Variants in BRINP3 observed in about 807,000 individuals in gnomAD.
The protein encoded by BRINP3 is BMP/retinoic acid-inducible neural-specific protein 3.
In BRINP3, 19 loss-of-function variants were observed where a neutral mutation model predicts 71.0. That is an observed-to-expected ratio of 0.27 (90% CI 0.19 to 0.39). BRINP3 has a LOEUF of 0.39. Ranked by LOEUF, BRINP3 falls within the 10% of genes least tolerant of loss-of-function variation. BRINP3 has a pLI of 1.00. For synonymous variants in BRINP3, 380 were observed against 337.7 expected (o/e 1.13, Z -1.37); for missense variants, 959 against 940.8 (o/e 1.02, Z -0.25).
chr1:190,301,134 C>CAT (rs201106793), intron 2 of BRINP3, among the ~76,000 whole-genome samples: 11 of 141,032 alleles, frequency 7.8e-5, no homozygotes, highest in Admixed American at 2.2e-4. Context: ...GCTTTACATA[C>CAT]ATATATATAT....
chr1:190,180,506 C>G (rs1489764050), intron 6 of BRINP3, among the ~76,000 whole-genome samples: 1 of 151,946 alleles, frequency 6.6e-6, no homozygotes, highest in East Asian at 1.9e-4. Flanking sequence ...AGATATAATA[C>G]TTATGATATA....
At chr1:190,455,487 G>GAT (rs1675924586) in intron 1 of BRINP3, among the ~76,000 whole-genome samples, 1 of 152,094 alleles carries the variant, frequency 6.6e-6, no homozygotes, top group Non-Finnish European at 1.5e-5. Flanking sequence ...ACCTATTATA[G>GAT]ATATATATAG....
At chr1:190,186,314 C>A (rs1653519391) in intron 6 of BRINP3, among the ~76,000 whole-genome samples, 1 of 151,972 alleles carries the variant, frequency 6.6e-6, no homozygotes, top group Non-Finnish European at 1.5e-5. Context: ...TTGCAATGAG[C>A]CGAGATGGCA....
intron 2 of BRINP3, among the ~76,000 whole-genome samples, chr1:190,292,314 A>C (rs959479840): frequency 4.6e-5 from 7 of 152,096 alleles, no homozygotes; most frequent in Non-Finnish European, 1.0e-4. Flanking sequence ...GAACTGTAAA[A>C]CTTATTATGA....
chr1:190,156,467 T>C (rs1234350922), intron 7 of BRINP3, among the ~76,000 whole-genome samples: 2 of 152,080 alleles, frequency 1.3e-5, no homozygotes, highest in Non-Finnish European at 2.9e-5. Context: ...ATACCCAATG[T>C]TCAGTTTACA....
chr1:190,389,916 T>A (rs943738740), intron 2 of BRINP3, among the ~76,000 whole-genome samples: 1 of 151,810 alleles, frequency 6.6e-6, no homozygotes, highest in African/African-American at 2.4e-5. Flanking sequence ...TGATAAGGTT[T>A]ACTGTCCAAA....
chr1:190,324,213 T>C (rs995647662), intron 2 of BRINP3, among the ~76,000 whole-genome samples: 2 of 152,116 alleles, frequency 1.3e-5, no homozygotes, highest in Non-Finnish European at 2.9e-5. Context: ...CCTATAGCTA[T>C]ACAACGTGTG....
chr1:190,181,787 A>C (rs1283825312), intron 6 of BRINP3, among the ~76,000 whole-genome samples: 1 of 152,078 alleles, frequency 6.6e-6, no homozygotes, highest in East Asian at 1.9e-4. Context: ...GTAATTTAGA[A>C]AACACAAGAT....
At chr1:190,324,866 T>G (rs1470030654) in intron 2 of BRINP3, among the ~76,000 whole-genome samples, 1 of 151,934 alleles carries the variant, frequency 6.6e-6, no homozygotes, top group African/African-American at 2.4e-5. Context: ...ATTGATTACC[T>G]TAAAATAAGT....
intron 2 of BRINP3, among the ~76,000 whole-genome samples, chr1:190,403,380 A>G (rs1392808290): frequency 6.6e-6 from 1 of 152,190 alleles, no homozygotes; most frequent in Non-Finnish European, 1.5e-5. Flanking sequence ...TCATGTCCAC[A>G]CTGAAGCAGT....
At chr1:190,331,080 C>T (rs1441618008) in intron 2 of BRINP3, among the ~76,000 whole-genome samples, 1 of 151,824 alleles carries the variant, frequency 6.6e-6, no homozygotes, top group Non-Finnish European at 1.5e-5. Flanking sequence ...CATATGTACT[C>T]CCTGAAACTA....
At chr1:190,119,362 T>C (rs976101119) in intron 7 of BRINP3, among the ~76,000 whole-genome samples, 8 of 152,076 alleles carry the variant, frequency 5.3e-5, no homozygotes, top group Non-Finnish European at 1.2e-4. Context: ...CTGCAAACTC[T>C]GCCTCCTGGG....
chr1:190,356,002 T>C lies in BRINP3; in HGVS notation c.237-74252A>G, dbSNP rs74130711. 7.3e-3 allele frequency among the ~76,000 whole-genome samples: 1,106 copies of C among 152,076 alleles called. 16 individuals are homozygous for C. The highest frequency in any genetic ancestry group is 0.025 in the African/African-American group (1,031 of 41,560). ...TATGTCCCATCAAGATATAAAGCTATATATTCGCCTACATGTTTACTTGTT... is the reference window on the plus strand; with the variant it reads ...TATGTCCCATCAAGATATAAAGCTACATATTCGCCTACATGTTTACTTGTT... On this transcript the variant is annotated intron_variant, in intron 2 of 7. Transcript: ENST00000367462.
intron 2 of BRINP3, among the ~76,000 whole-genome samples, chr1:190,343,000 G>A (rs1667768453): frequency 6.6e-6 from 1 of 151,756 alleles, no homozygotes; most frequent in Non-Finnish European, 1.5e-5. Context: ...AGTAGGATTC[G>A]AAGAACTATG....
chr1:190,171,039 G>T (rs1209676568), intron 6 of BRINP3, among the ~76,000 whole-genome samples: 2 of 152,086 alleles, frequency 1.3e-5, no homozygotes, highest in African/African-American at 2.4e-5. Context: ...AGCAATATTT[G>T]CCTATGAGAC....
chr1:190,138,747 G>A (rs1313475861), intron 7 of BRINP3, among the ~76,000 whole-genome samples: 2 of 152,254 alleles, frequency 1.3e-5, no homozygotes, highest in East Asian at 1.9e-4. Flanking sequence ...GTGGGTCTCA[G>A]AAAGGTTGGT....
chr1:190,292,941 T>A (rs1228794036), intron 2 of BRINP3, among the ~76,000 whole-genome samples: 1 of 152,080 alleles, frequency 6.6e-6, no homozygotes, highest in East Asian at 1.9e-4. Context: ...TCTTCCTTCT[T>A]ATACTAGATA....
At chr1:190,209,451 T>TA (rs1655797073) in intron 6 of BRINP3, among the ~76,000 whole-genome samples, 1 of 152,098 alleles carries the variant, frequency 6.6e-6, no homozygotes, top group East Asian at 1.9e-4. Flanking sequence ...CTCTAGACAG[T>TA]GATACATACA....
At chr1:190,314,693 T>C (rs1250612673) in intron 2 of BRINP3, among the ~76,000 whole-genome samples, 1 of 152,142 alleles carries the variant, frequency 6.6e-6, no homozygotes, top group Non-Finnish European at 1.5e-5. Flanking sequence ...GTTGGACTTC[T>C]GGCCCCCAAA....
Sources: allele counts gnomAD v4.1 joint callset (sites outside exome capture counted in the v4.1 genomes callset), GRCh38; gene constraint gnomAD v4.1.1; transcripts MANE v1.5; gene names NCBI Gene and HGNC (gene_info 2026-07-23, HGNC 2026-07-21).